Variants in HAUS4 observed in about 807,000 individuals in gnomAD.
HAUS4 encodes the protein HAUS augmin like complex subunit 4, also known as HAUS augmin-like complex subunit 4.
HAUS4 carries 34 observed loss-of-function variants against 50.6 expected under a neutral mutation model. That is an observed-to-expected ratio of 0.67 (90% CI 0.51 to 0.90). The LOEUF is 0.90. HAUS4 is among the 40% of genes least tolerant of loss of function. The pLI, the probability that HAUS4 is intolerant of heterozygous loss-of-function variation, is 0.00. For synonymous variants in HAUS4, 149 were observed against 161.4 expected (o/e 0.92, Z 0.58); for missense variants, 370 against 428.7 (o/e 0.86, Z 1.21).
At position 22,946,599 on chromosome 14, in the gene HAUS4, C is replaced by G; in HGVS notation, c.1018G>C (p.Glu340Gln). 1 of 1,614,030 alleles carries G rather than the reference C, an allele frequency of 6.2e-7. No individual in the cohort carries two copies. The highest frequency in any genetic ancestry group is 2.2e-5 in the East Asian group (1 of 44,864). Residue 340 changes from glutamate to glutamine, a missense_variant, in exon 10 of 10, where the codon GAG (glutamate) becomes CAG (glutamine). Coordinates refer to ENST00000541587, the MANE Select transcript of HAUS4 (RefSeq NM_001166269.2). ...LGEEFDRLVK[E>Q]YTVLKQATEN... The stretch of plus-strand genomic sequence containing the variant: ...GTTGCCTGCTTGAGTACGGTGTACT[C>G]TTTCACCAGCCTGTCAAACTCCTCC...
At chr14:22,953,786 A>ATT (rs60021495) in intron 2 of HAUS4, among the ~76,000 whole-genome samples, 44 of 129,944 alleles carry the variant, frequency 3.4e-4, no homozygotes, top group African/African-American at 9.0e-4. Context: ...ACGCCCAGCT[A>ATT]TTTTTTTTTT....
At position 22,947,692 on chromosome 14, in the gene HAUS4, G is replaced by C; in HGVS notation, c.748C>G (p.Gln250Glu). The C allele has an allele frequency of 6.2e-7, 1 of 1,614,146 alleles. No homozygotes were observed. The highest frequency in any genetic ancestry group is 8.5e-7 in the Non-Finnish European group (1 of 1,180,002). The change falls in exon 8 of 10, where the codon CAA becomes GAA. Residue 250 changes from glutamine (Q) to glutamate (E), a missense_variant. Coordinates refer to ENST00000541587, the MANE Select transcript of HAUS4 (RefSeq NM_001166269.2). ...RCLTLLQRLL[Q>E]EHRLKTQSEL... Reference sequence around the variant, plus strand: ...GATTGAGTCTTCAGCCGGTGTTCTTGAAGAAGCCTCTGCAGCAAAGTGAGG... The same window carrying C: ...GATTGAGTCTTCAGCCGGTGTTCTTCAAGAAGCCTCTGCAGCAAAGTGAGG...
chr14:22,954,349 T>C (rs1473775275), intron 2 of HAUS4: 1 of 152,124 alleles, frequency 6.6e-6, no homozygotes, highest in Non-Finnish European at 1.5e-5. Context: ...GCATCCAATA[T>C]GGAAATAGTC....
intron 5 of HAUS4, among the ~76,000 whole-genome samples, chr14:22,950,729 A>T (rs1389507431): frequency 6.6e-6 from 1 of 152,230 alleles, no homozygotes; most frequent in Non-Finnish European, 1.5e-5. Flanking sequence ...AGAAATAATC[A>T]TACAAAGGTA....
rs1249728659 is a variant in HAUS4 at position 22,952,910 on chromosome 14, C to T, written c.56-227G>A. On this transcript the variant is annotated intron_variant, in intron 2 of 9. Coordinates refer to ENST00000541587, the MANE Select transcript of HAUS4 (RefSeq NM_001166269.2). ...ATATTAAGGGGGAATAAGTAATAAA[C>T]TAAGATCTTAGGAAACGGAAATGCA... 4.6e-5 allele frequency among the ~76,000 whole-genome samples: 7 copies of T among 152,174 alleles called. No individual in the cohort carries two copies. The East Asian group carries it at 1.4e-3, about 29-fold the overall frequency.
In HAUS4 at chr14:22,952,476, T is replaced by G. The variant is rs747357886; in HGVS notation, c.199-17A>C. 1 of 1,614,012 alleles carries G rather than the reference T, an allele frequency of 6.2e-7. No individual in the cohort carries two copies. Among genetic ancestry groups the G allele is most frequent in the South Asian group, 1.1e-5 (1 of 91,066 alleles). On this transcript the variant is annotated splice_polypyrimidine_tract_variant and intron_variant, in intron 3 of 9. Coordinates refer to ENST00000541587, the MANE Select transcript of HAUS4 (RefSeq NM_001166269.2). Reference sequence around the variant, plus strand: ...CTTCCATGCCTAGAAATCCAAAAAATCTCAGGTAGGAACCTCTCTCTCAGG... The same window carrying G: ...CTTCCATGCCTAGAAATCCAAAAAAGCTCAGGTAGGAACCTCTCTCTCAGG...
chr14:22,953,312 T>G (rs1259920564), intron 2 of HAUS4, among the ~76,000 whole-genome samples: 3 of 152,066 alleles, frequency 2.0e-5, no homozygotes, highest in Non-Finnish European at 4.4e-5. Context: ...CTGGCTAATT[T>G]TTTTTTTACA....
chr14:22,955,243 C>A, intron 1 of HAUS4, 67 bp from the exon 2 acceptor site: 7 of 956,748 alleles, frequency 7.3e-6, no homozygotes, highest in South Asian at 3.8e-5. Flanking sequence ...AAGGACACTA[C>A]CTTATGTTCA....
intron 5 of HAUS4, among the ~76,000 whole-genome samples, chr14:22,951,205 A>G (rs1480658921): frequency 6.7e-6 from 1 of 150,036 alleles, no homozygotes; most frequent in African/African-American, 2.4e-5. Context: ...AGGTCTCACT[A>G]TGTTGCCCAG....
chr14:22,949,354 C>A (rs532959997), intron 6 of HAUS4, among the ~76,000 whole-genome samples: 1 of 151,224 alleles, frequency 6.6e-6, no homozygotes, highest in Non-Finnish European at 1.5e-5. Context: ...ACGGTGAAAC[C>A]CCGTCTCTAC....
chr14:22,951,211 C>T (rs1375807082), intron 5 of HAUS4, among the ~76,000 whole-genome samples: 4 of 151,192 alleles, frequency 2.6e-5, no homozygotes, highest in Non-Finnish European at 5.9e-5. Context: ...CACTATGTTG[C>T]CCAGGCTGGT....
chr14:22,946,851 T>C, intron 9 of HAUS4, 143 bp from the exon 10 acceptor site: 1 of 623,018 alleles, frequency 1.6e-6, no homozygotes, highest in Non-Finnish European at 2.7e-6. Context: ...TGGTATGATC[T>C]TGGCTCACTG....
chr14:22,952,198 A>C (rs2044766760), intron 4 of HAUS4, 130 bp downstream of exon 4: 5 of 688,072 alleles, frequency 7.3e-6, no homozygotes, highest in Non-Finnish European at 1.2e-5. Context: ...TTGTATTTTT[A>C]GTAGAGACGG....
chr14:22,948,304 T>C (rs933520472), intron 6 of HAUS4: 4 of 321,988 alleles, frequency 1.2e-5, no homozygotes, highest in African/African-American at 8.5e-5. Context: ...TTCTAAAATA[T>C]TAGTTAGGCA....
At chr14:22,949,083 G>A (rs555666569) in intron 6 of HAUS4, among the ~76,000 whole-genome samples, 2 of 151,192 alleles carry the variant, frequency 1.3e-5, no homozygotes, top group East Asian at 2.0e-4. Flanking sequence ...CTTGAACCTC[G>A]GAGGCGAAGG....
At chr14:22,953,876 C>T (rs1391481598) in intron 2 of HAUS4, among the ~76,000 whole-genome samples, 4 of 151,690 alleles carry the variant, frequency 2.6e-5, no homozygotes, top group Admixed American at 6.6e-5. Context: ...GTGATCTGCC[C>T]GCCTCGGCTT....
Position 22,946,669 on chromosome 14 carries a change from G to T in HAUS4, c.948C>A (p.Asp316Glu). ...TCAGGACCTGTCTTGAGTTCTCCATGTCCTGCTCCTGTAGGTGAATGGCTC... is the reference window on the plus strand; with the variant it reads ...TCAGGACCTGTCTTGAGTTCTCCATTTCCTGCTCCTGTAGGTGAATGGCTC... ...LEGAIHLQEQ[D>E]MENSRQVLNS... Residue 316 changes from aspartate to glutamate, a missense_variant, in exon 10 of 10, where the codon GAC becomes GAA. By Grantham distance (45) the Asp-to-Glu change is conservative (BLOSUM62 2). Coordinates refer to ENST00000541587, the MANE Select transcript of HAUS4 (RefSeq NM_001166269.2). 1 of 1,613,542 alleles carries T rather than the reference G, an allele frequency of 6.2e-7. No individual in the cohort carries two copies. Among genetic ancestry groups the T allele is most frequent in the South Asian group, 1.1e-5 (1 of 90,988 alleles).
At chr14:22,952,029 T>A (rs2044762843) in intron 4 of HAUS4, among the ~76,000 whole-genome samples, 1 of 152,162 alleles carries the variant, frequency 6.6e-6, no homozygotes, top group South Asian at 2.1e-4. Flanking sequence ...TCACCTCACT[T>A]TTTTTTGAGA....
intron 2 of HAUS4, among the ~76,000 whole-genome samples, chr14:22,953,614 A>ATTTTTTG (rs1210442053): frequency 7.2e-6 from 1 of 138,104 alleles, no homozygotes; most frequent in African/African-American, 2.7e-5. Context: ...CCTGGCTAAT[A>ATTTTTTG]TTTTTTGTTT....
Sources: allele counts gnomAD v4.1 joint callset (sites outside exome capture counted in the v4.1 genomes callset), GRCh38; gene constraint gnomAD v4.1.1; transcripts MANE v1.5; gene names NCBI Gene and HGNC (gene_info 2026-07-23, HGNC 2026-07-21).